The following C10orf95 variants were observed in gnomAD, a reference collection of about 807,000 sequenced individuals.
C10orf95 encodes uncharacterized protein C10orf95.
For synonymous variants in C10orf95, 188 were observed against 160.4 expected (o/e 1.17, Z -1.30); for missense variants, 412 against 327.4 (o/e 1.26, Z -1.99).
chr10:102,451,057 C>G lies in C10orf95; in HGVS notation c.37G>C (p.Val13Leu), dbSNP rs1196265418. 1 of 1,357,756 alleles carries G rather than the reference C, an allele frequency of 7.4e-7. No homozygotes were observed. The highest frequency in any genetic ancestry group is 1.5e-5 in the African/African-American group (1 of 67,058). 84.1% of individuals were successfully genotyped at this position (1,357,756 alleles called of 1,614,324 possible). ...VYSWPPPKQG[V>L]WPPPPQLLTC... ...AGCAGCTGCGGCGGCGGCGGCCAGACGCCCTGTTTGGGCGGCGGCCAGCTG... is the reference window on the plus strand; with the variant it reads ...AGCAGCTGCGGCGGCGGCGGCCAGAGGCCCTGTTTGGGCGGCGGCCAGCTG... Residue 13 changes from valine (V) to leucine (L), a missense_variant, in exon 2 of 2, where the codon GTC becomes CTC. Coordinates refer to ENST00000625129, the MANE Select transcript of C10orf95 (RefSeq NM_001363580.1).
In C10orf95 at chr10:102,450,646, C is replaced by G; in HGVS notation, c.448G>C (p.Gly150Arg). Reference sequence around the variant, plus strand: ...CGCACGTCGGCGCGGGGGTAGGTGCCGTACGCGCGCCGCAGCTCCCGGCGC... The same window carrying G: ...CGCACGTCGGCGCGGGGGTAGGTGCGGTACGCGCGCCGCAGCTCCCGGCGC... ...FVRRELRRAY[G>R]TYPRADVRVT... The change falls in exon 2 of 2, where the codon GGC (glycine) becomes CGC (arginine). Residue 150 changes from glycine to arginine, a missense_variant. Physicochemically the swap from Gly to Arg is moderately radical, Grantham distance 125. Transcript: ENST00000625129. The G allele has an allele frequency of 2.4e-6, 3 of 1,230,236 alleles. No homozygotes were observed. The highest frequency in any genetic ancestry group is 3.2e-4 in the Middle Eastern group (1 of 3,126). 76.2% of individuals were successfully genotyped at this position (1,230,236 alleles called of 1,614,324 possible). A position where few individuals can be genotyped will look rare whatever the true frequency, so the allele number is the denominator to read the frequency against.
rs2061684585 is a variant in C10orf95 at position 102,450,503 on chromosome 10, G to A, written c.591C>T (p.Ala197=). 1 of 1,437,128 alleles carries A rather than the reference G, an allele frequency of 7.0e-7. No individual in the cohort carries two copies. Among genetic ancestry groups the A allele is most frequent in the Non-Finnish European group, 9.1e-7 (1 of 1,102,414 alleles). The allele number at this position is 1,437,128 out of a possible 1,614,324, so 89.0% of individuals were successfully genotyped here. A position where few individuals can be genotyped will look rare whatever the true frequency, so the allele number is the denominator to read the frequency against. The change falls in exon 2 of 2, where the codon GCC becomes GCT. Residue 197 remains alanine (A), a synonymous_variant. Coordinates refer to ENST00000625129, the MANE Select transcript of C10orf95 (RefSeq NM_001363580.1). ...RRPDSGDSSP[A]REAAERGRPR... is the part of the protein sequence containing the mutation. The stretch of plus-strand genomic sequence containing the variant: ...GGCGGCCGCGCTCCGCGGCTTCCCG[G>A]GCTGGGCTGCTGTCGCCGCTGTCGG...
rs2061683253 is a variant in C10orf95, at chr10:102,450,343, T to G, written c.*109A>C. On this transcript the variant is annotated 3_prime_UTR_variant, in exon 2 of 2. Coordinates refer to ENST00000625129, the MANE Select transcript of C10orf95 (RefSeq NM_001363580.1). Reference sequence around the variant, plus strand: ...GCCAAAAAGACAGGTGAGCAGCGCGTCCGCCTCCCGCGCACAGGTGAGGGC... The same window carrying G: ...GCCAAAAAGACAGGTGAGCAGCGCGGCCGCCTCCCGCGCACAGGTGAGGGC... The G allele has an allele frequency of 1.1e-5, 13 of 1,207,720 alleles. No homozygotes were observed. Among genetic ancestry groups the G allele is most frequent in the Non-Finnish European group, 1.4e-5 (12 of 852,434 alleles). The allele number at this position is 1,207,720 out of a possible 1,614,324, so 74.8% of individuals were successfully genotyped here.
rs1034331655 is a variant in C10orf95, at chr10:102,449,960, C to G, written c.*492G>C. 8.7e-6 allele frequency: 2 copies of G among 229,854 alleles called. No individual in the cohort carries two copies. Among genetic ancestry groups the G allele is most frequent in the African/African-American group, 4.5e-5 (2 of 44,244 alleles). 14.2% of individuals were successfully genotyped at this position (229,854 alleles called of 1,614,324 possible). A position where few individuals can be genotyped will look rare whatever the true frequency, so the allele number is the denominator to read the frequency against. ...TCCAGGCGTGAGCTACCGCGCCCGG[C>G]CTATTTACTTTTCTTACTAAGCTGG... On this transcript the variant is annotated 3_prime_UTR_variant, in exon 2 of 2. Transcript: ENST00000625129.
At position 102,450,641 on chromosome 10, in the gene C10orf95, G is replaced by C; in HGVS notation, c.453C>G (p.Thr151=). ...VRRELRRAYG[T]YPRADVRVTQ... is the part of the protein sequence containing the mutation. ...TGACGCGCACGTCGGCGCGGGGGTA[G>C]GTGCCGTACGCGCGCCGCAGCTCCC... is the stretch of plus-strand genomic sequence containing the variant. The change falls in exon 2 of 2, where the codon ACC becomes ACG. Residue 151 remains threonine, a synonymous_variant. Transcript: ENST00000625129. The C allele has an allele frequency of 8.1e-7, 1 of 1,231,188 alleles. No homozygotes were observed. Among genetic ancestry groups the C allele is most frequent in the Non-Finnish European group, 1.0e-6 (1 of 988,280 alleles). 76.3% of individuals were successfully genotyped at this position (1,231,188 alleles called of 1,614,324 possible). A position where few individuals can be genotyped will look rare whatever the true frequency, so the allele number is the denominator to read the frequency against.
chr10:102,451,537 A>G lies in C10orf95; in HGVS notation c.-206T>C, dbSNP rs2061693714. ...CACCTTGAGCTGGCCAGGAGCTACC[A>G]GCGTCTGTCTACACCTGGGTGAGCC... On this transcript the variant is annotated 5_prime_UTR_variant, in exon 1 of 2. Coordinates refer to ENST00000625129, the MANE Select transcript of C10orf95 (RefSeq NM_001363580.1). 7.7e-7 allele frequency: 1 copy of G among 1,302,278 alleles called. No individual in the cohort carries two copies. Among genetic ancestry groups the G allele is most frequent in the Non-Finnish European group, 1.0e-6 (1 of 988,424 alleles). 80.7% of individuals were successfully genotyped at this position (1,302,278 alleles called of 1,614,324 possible). A position where few individuals can be genotyped will look rare whatever the true frequency, so the allele number is the denominator to read the frequency against.
chr10:102,451,111 G>A lies in C10orf95; in HGVS notation c.-18C>T. 3.5e-6 allele frequency: 5 copies of A among 1,441,960 alleles called. No individual in the cohort carries two copies. Among genetic ancestry groups the A allele is most frequent in the Non-Finnish European group, 4.5e-6 (5 of 1,100,320 alleles). The allele number at this position is 1,441,960 out of a possible 1,614,324, so 89.3% of individuals were successfully genotyped here. A position where few individuals can be genotyped will look rare whatever the true frequency, so the allele number is the denominator to read the frequency against. ...ACATACATGGTCGGCCCCCCAGGCG[G>A]CTGCTGTTCTTACTGGGGGCTCCTG... On this transcript the variant is annotated 5_prime_UTR_variant, in exon 2 of 2. Coordinates refer to ENST00000625129, the MANE Select transcript of C10orf95 (RefSeq NM_001363580.1).
intron 1 of C10orf95, 69 bp from the exon 2 acceptor site, chr10:102,451,216 C>T: frequency 4.9e-6 from 7 of 1,443,076 alleles, no homozygotes; most frequent in Admixed American, 2.7e-5. Flanking sequence ...TGGGCCGGTT[C>T]CCCGGGACGC....
rs1399460636 is a variant in C10orf95, at chr10:102,451,523, G to A, written c.-192C>T. 1.5e-5 allele frequency: 20 copies of A among 1,336,648 alleles called. No homozygotes were observed. Among genetic ancestry groups the A allele is most frequent in the Non-Finnish European group, 1.9e-5 (19 of 1,012,248 alleles). 82.8% of individuals were successfully genotyped at this position (1,336,648 alleles called of 1,614,324 possible). A position where few individuals can be genotyped will look rare whatever the true frequency, so the allele number is the denominator to read the frequency against. ...CAGGCAAAAGGAAACACCTTGAGCT[G>A]GCCAGGAGCTACCAGCGTCTGTCTA... is the stretch of plus-strand genomic sequence containing the variant. On this transcript the variant is annotated 5_prime_UTR_variant, in exon 1 of 2. Transcript: ENST00000625129.
chr10:102,450,401 G>A lies in C10orf95; in HGVS notation c.*51C>T, dbSNP rs1187595595. Reference sequence around the variant, plus strand: ...TGCCTGTCGGCGGCGGCACACACAGGAAAGAGCCAAGCGCGTGCACGCGGG... The same window carrying A: ...TGCCTGTCGGCGGCGGCACACACAGAAAAGAGCCAAGCGCGTGCACGCGGG... On this transcript the variant is annotated 3_prime_UTR_variant, in exon 2 of 2. Transcript: ENST00000625129. The A allele has an allele frequency of 2.6e-6, 4 of 1,515,612 alleles. No individual in the cohort carries two copies. Among genetic ancestry groups the A allele is most frequent in the Admixed American group, 2.0e-5 (1 of 50,652 alleles). 93.9% of individuals were successfully genotyped at this position (1,515,612 alleles called of 1,614,324 possible).
intron 1 of C10orf95, 71 bp downstream of exon 1, chr10:102,451,315 C>G (rs1229392328): frequency 6.6e-7 from 1 of 1,510,478 alleles, no homozygotes; most frequent in Non-Finnish European, 8.9e-7. Context: ...GAGCCTCAGG[C>G]TCCCAGCAGA....
In C10orf95 at chr10:102,450,306, G is replaced by A. The variant is rs1014939937; in HGVS notation, c.*146C>T. ...AACAAGTGCAGGAAACTGGCCGGCA[G>A]TCATGGGAGAAGCCAAAAAGACAGG... On this transcript the variant is annotated 3_prime_UTR_variant, in exon 2 of 2. Transcript: ENST00000625129. The A allele has an allele frequency of 8.5e-5, 75 of 886,456 alleles. 1 individual carries two copies. In the Admixed American group the frequency reaches 1.4e-3, roughly 17 times the overall value. The allele number at this position is 886,456 out of a possible 1,614,324, so 54.9% of individuals were successfully genotyped here.
In C10orf95 at chr10:102,450,070, GAA is replaced by G. The variant is rs913817344; in HGVS notation, c.*380_*381del. 5 of 289,628 alleles carry G rather than the reference GAA, an allele frequency of 1.7e-5. No homozygotes were observed. Among genetic ancestry groups the G allele is most frequent in the African/African-American group, 1.1e-4 (5 of 45,848 alleles). 17.9% of individuals were successfully genotyped at this position (289,628 alleles called of 1,614,324 possible). A position where few individuals can be genotyped will look rare whatever the true frequency, so the allele number is the denominator to read the frequency against. On this transcript the variant is annotated 3_prime_UTR_variant, in exon 2 of 2. Coordinates refer to ENST00000625129, the MANE Select transcript of C10orf95 (RefSeq NM_001363580.1). ...GGGTGGGCGACGACTCTGATAGAGG[GAA>G]AAGAGGAAGGGAAAGTTGGGGCTTA...
At position 102,450,380 on chromosome 10, in the gene C10orf95, T is replaced by C; in HGVS notation, c.*72A>G. On this transcript the variant is annotated 3_prime_UTR_variant, in exon 2 of 2. Coordinates refer to ENST00000625129, the MANE Select transcript of C10orf95 (RefSeq NM_001363580.1). ...GCACAGGTGAGGGCTCACTTCTGCC[T>C]GTCGGCGGCGGCACACACAGGAAAG... 6.8e-7 allele frequency: 1 copy of C among 1,470,284 alleles called. No homozygotes were observed. Among genetic ancestry groups the C allele is most frequent in the East Asian group, 2.5e-5 (1 of 39,492 alleles). 91.1% of individuals were successfully genotyped at this position (1,470,284 alleles called of 1,614,324 possible). A position where few individuals can be genotyped will look rare whatever the true frequency, so the allele number is the denominator to read the frequency against.
In C10orf95 at chr10:102,450,783, G is replaced by A. The variant is rs1386209156; in HGVS notation, c.311C>T (p.Ala104Val). 3.9e-6 allele frequency: 5 copies of A among 1,275,218 alleles called. No individual in the cohort carries two copies. Among genetic ancestry groups the A allele is most frequent in the Admixed American group, 4.0e-5 (1 of 25,184 alleles). The allele number at this position is 1,275,218 out of a possible 1,614,324, so 79.0% of individuals were successfully genotyped here. A position where few individuals can be genotyped will look rare whatever the true frequency, so the allele number is the denominator to read the frequency against. ...ISGLSLQAPA[A>V]VAESWAPWPE... ...CCACGGCGCCCAGCTCTCGGCCACC[G>A]CCGCGGGCGCCTGCAGCGACAGTCC... Residue 104 changes from alanine (A) to valine (V), a missense_variant, in exon 2 of 2, where the codon GCG (alanine) becomes GTG (valine). Ala to Val is a moderately conservative substitution (Grantham distance 64, BLOSUM62 0). Transcript: ENST00000625129.
Position 102,451,383 on chromosome 10 carries a change from C to G in C10orf95, c.-55+3G>C. Reference sequence around the variant, plus strand: ...ATGCTCTTCCCAGTGACTCCCCACTCACTTGTCTCCTTCAGCCTTGGGGAG... The same window carrying G: ...ATGCTCTTCCCAGTGACTCCCCACTGACTTGTCTCCTTCAGCCTTGGGGAG... On this transcript the variant is annotated splice_donor_region_variant and intron_variant, in intron 1 of 1. Coordinates refer to ENST00000625129, the MANE Select transcript of C10orf95 (RefSeq NM_001363580.1). 6.5e-7 allele frequency: 1 copy of G among 1,550,242 alleles called. No homozygotes were observed. Among genetic ancestry groups the G allele is most frequent in the Non-Finnish European group, 8.8e-7 (1 of 1,141,940 alleles).
Position 102,450,504 on chromosome 10 carries a change from G to A in C10orf95, c.590C>T (p.Ala197Val). ...RRPDSGDSSP[A>V]REAAERGRPR... ...GCGGCCGCGCTCCGCGGCTTCCCGG[G>A]CTGGGCTGCTGTCGCCGCTGTCGGG... The change falls in exon 2 of 2, where the codon GCC becomes GTC. Residue 197 changes from alanine (A) to valine (V), a missense_variant. Physicochemically the swap from Ala to Val is moderately conservative, Grantham distance 64. Coordinates refer to ENST00000625129, the MANE Select transcript of C10orf95 (RefSeq NM_001363580.1). 1 of 1,421,456 alleles carries A rather than the reference G, an allele frequency of 7.0e-7. No homozygotes were observed. Among genetic ancestry groups the A allele is most frequent in the Non-Finnish European group, 9.1e-7 (1 of 1,095,532 alleles). 88.1% of individuals were successfully genotyped at this position (1,421,456 alleles called of 1,614,324 possible).
At chr10:102,451,347 C>T (rs747412538) in intron 1 of C10orf95, 39 bp downstream of exon 1, 3 of 1,562,026 alleles carry the variant, frequency 1.9e-6, no homozygotes, top group South Asian at 1.2e-5. Flanking sequence ...CTTTTCAAGC[C>T]CTCCGCCGGG....
rs1282070236 is a variant in C10orf95, at chr10:102,450,136, A to G, written c.*316T>C. 1.1e-4 allele frequency: 49 copies of G among 443,018 alleles called. 1 individual carries two copies. In the Admixed American group the frequency reaches 1.5e-3, roughly 14 times the overall value. 27.4% of individuals were successfully genotyped at this position (443,018 alleles called of 1,614,324 possible). A position where few individuals can be genotyped will look rare whatever the true frequency, so the allele number is the denominator to read the frequency against. ...TCCTTAGGAGAAGGTGGGGAGGAGG[A>G]AGGAGGGAGGTCCAGGCCCTTCTTC... On this transcript the variant is annotated 3_prime_UTR_variant, in exon 2 of 2. Transcript: ENST00000625129.
Sources: gnomAD v4.1 joint callset for allele counts on GRCh38, gnomAD v4.1.1 for gene constraint, MANE v1.5 for transcripts, NCBI Gene and HGNC (gene_info 2026-07-23, HGNC 2026-07-21) for gene names.